XIST: variants seen among roughly 807,000 people sequenced by gnomAD.
The protein encoded by XIST is X inactive specific transcript, also known as X inactive specific transcript (non-protein coding).
chrX:73,820,767 A>T (rs758416274), exon 6 of XIST: 1 of 555,758 alleles, frequency 1.8e-6, no homozygotes, highest in Non-Finnish European at 3.2e-6. Flanking sequence ...ATGCTGAACA[A>T]TATTTTTCAA....
At chrX:73,837,837 G>A (rs764010771) in intron 1 of XIST, among the ~76,000 whole-genome samples, 2 of 111,293 alleles carry the variant, frequency 1.8e-5, no homozygotes, top group South Asian at 3.7e-4. Flanking sequence ...TCTACAGTAC[G>A]TACCATCATT....
chrX:73,834,541 A>G (rs926095051), intron 2 of XIST, among the ~76,000 whole-genome samples: 2 of 112,563 alleles, frequency 1.8e-5, no homozygotes, highest in Admixed American at 9.4e-5. Flanking sequence ...ACTAGGGTTC[A>G]ATATTCACTG....
At chrX:73,829,510 G>A (rs1173923611) in intron 4 of XIST, 3 of 189,740 alleles carry the variant, frequency 1.6e-5, no homozygotes, top group East Asian at 2.4e-4. Context: ...GACCAGAACT[G>A]CCGGGCGCGG....
exon 3 of XIST, chrX:73,833,302 A>G (rs767188190): frequency 1.8e-6 from 1 of 558,804 alleles, no homozygotes; most frequent in South Asian, 2.2e-5. Context: ...AGATTCTCAA[A>G]GGGAAAGATA....
At chrX:73,844,337 C>T (rs764488628) in exon 1 of XIST, 14 of 556,185 alleles carry the variant, frequency 2.5e-5, no homozygotes, top group Admixed American at 8.9e-5. Context: ...ATATAAGAAT[C>T]TTAAAAAGTA....
At chrX:73,824,727 G>T (rs188756044) in exon 6 of XIST, 1 of 556,660 alleles carries the variant, frequency 1.8e-6, no homozygotes, top group Non-Finnish European at 3.2e-6. Flanking sequence ...AGTGACTTTC[G>T]GTCTGGATCT....
chrX:73,838,455 T>C (rs1345005689), intron 1 of XIST, among the ~76,000 whole-genome samples: 1 of 110,946 alleles, frequency 9.0e-6, no homozygotes, highest in Non-Finnish European at 1.9e-5. Flanking sequence ...CTAGCACCGG[T>C]CAAATTTACA....
exon 1 of XIST, chrX:73,850,686 G>A (rs1364326210): frequency 3.5e-6 from 1 of 285,801 alleles, no homozygotes; most frequent in South Asian, 3.4e-5. Flanking sequence ...GACCAGAGGG[G>A]GGTAGGGGGG....
chrX:73,827,233 T>C lies in XIST; in HGVS notation n.12668A>G, dbSNP rs757209520. ...AACCGCTCCACAATGCTTGCTCTGA[T>C]AGCCGACGTTCTGCACCTATCAGGC... On this transcript the variant is annotated non_coding_transcript_exon_variant, in exon 6 of 6. Transcript: ENST00000429829. 1.8e-5 allele frequency: 10 copies of C among 556,678 alleles called. No individual in the cohort carries two copies. In the East Asian group the frequency reaches 3.3e-4, roughly 18 times the overall value. The allele number at this position is 556,678 out of a possible 1,213,427, so 45.9% of individuals were successfully genotyped here.
Position 73,850,727 on chromosome X carries a change from G to T in XIST, n.1997C>A, listed in dbSNP as rs1569512873. 1.6e-5 allele frequency: 4 copies of T among 248,016 alleles called. No individual in the cohort carries two copies. In the African/African-American group the frequency reaches 1.8e-4, roughly 11 times the overall value. 20.4% of individuals were successfully genotyped at this position (248,016 alleles called of 1,213,427 possible). ...GGGTAGGGGGGTGGGGAGGTGGGGGGTGGGGGGTGGGGGTGGGGAGTTGGG... is the reference window on the plus strand; with the variant it reads ...GGGTAGGGGGGTGGGGAGGTGGGGGTTGGGGGGTGGGGGTGGGGAGTTGGG... On this transcript the variant is annotated non_coding_transcript_exon_variant, in exon 1 of 6. Coordinates refer to ENST00000429829, the Ensembl canonical transcript of XIST.
chrX:73,827,338 G>A lies in XIST; in HGVS notation n.12563C>T, dbSNP rs377405460. The A allele has an allele frequency of 1.3e-5, 7 of 558,414 alleles. No individual in the cohort carries two copies. The East Asian group carries it at 1.9e-4, about 16-fold the overall frequency. The allele number at this position is 558,414 out of a possible 1,213,427, so 46.0% of individuals were successfully genotyped here. A position where few individuals can be genotyped will look rare whatever the true frequency, so the allele number is the denominator to read the frequency against. ...ACATATGCAAAGAAATATTTAAGGA[G>A]AGATTACATGAAATCAAAGAGAGGG... On this transcript the variant is annotated non_coding_transcript_exon_variant, in exon 6 of 6. Transcript: ENST00000429829.
chrX:73,838,627 A>G (rs1922528933), intron 1 of XIST, among the ~76,000 whole-genome samples: 1 of 111,577 alleles, frequency 9.0e-6, no homozygotes, highest in Non-Finnish European at 1.9e-5. Flanking sequence ...TGGAAAGGTC[A>G]AGGAAGAGCT....
At chrX:73,834,568 T>A (rs991480051) in intron 2 of XIST, among the ~76,000 whole-genome samples, 1 of 112,414 alleles carries the variant, frequency 8.9e-6, no homozygotes, top group African/African-American at 3.2e-5. Context: ...ATTTTGAGAA[T>A]CCGTCATCTT....
chrX:73,848,885 T>C (rs1364770966), exon 1 of XIST: 2 of 555,504 alleles, frequency 3.6e-6, no homozygotes, highest in Admixed American at 4.5e-5. Context: ...TCACACTATC[T>C]AGGAGCAATG....
At chrX:73,827,417 G>T (rs773402438) in exon 6 of XIST, 2 of 552,674 alleles carry the variant, frequency 3.6e-6, no homozygotes, top group Admixed American at 2.3e-5. Context: ...AAGGGAAGAA[G>T]CAGAGAACAA....
chrX:73,841,489 A>G, exon 1 of XIST: 1 of 558,203 alleles, frequency 1.8e-6, no homozygotes, highest in Non-Finnish European at 3.2e-6. Flanking sequence ...CCGAGAAACA[A>G]TATTCTTTTT....
exon 1 of XIST, chrX:73,846,553 G>A: frequency 1.8e-6 from 1 of 558,803 alleles, no homozygotes; most frequent in Non-Finnish European, 3.2e-6. Context: ...AATGAGCAGT[G>A]TGCGATTACG....
At chrX:73,844,441 A>G (rs781210826) in exon 1 of XIST, 7 of 559,085 alleles carry the variant, frequency 1.3e-5, no homozygotes, top group Non-Finnish European at 2.3e-5. Context: ...AAGAGGCCTC[A>G]GTGATCAGCA....
exon 1 of XIST, chrX:73,849,618 A>C (rs1267923758): frequency 1.8e-6 from 1 of 558,785 alleles, no homozygotes; most frequent in Non-Finnish European, 3.2e-6. Flanking sequence ...GTACCGAGTA[A>C]GGAAATTCTT....
Sources: gnomAD v4.1 joint callset for allele counts (sites outside exome capture counted in the v4.1 genomes callset) on GRCh38, gnomAD v4.1.1 for gene constraint, MANE v1.5 for transcripts, NCBI Gene and HGNC (gene_info 2026-07-23, HGNC 2026-07-21) for gene names.